The following FIG4 variants were observed in gnomAD, a reference collection of about 807,000 sequenced individuals.
FIG4 encodes the protein FIG4 phosphoinositide 5-phosphatase.
FIG4 carries 112 observed loss-of-function variants against 118.6 expected under a neutral mutation model. That is an observed-to-expected ratio of 0.94 (90% CI 0.81 to 1.11). FIG4 has a LOEUF of 1.11. FIG4 is among the 50% of genes least tolerant of loss of function. The pLI is 0.00. For synonymous variants in FIG4, 369 were observed against 381.2 expected, an observed-to-expected ratio of 0.97 and a Z score of 0.37; for missense variants, 969 against 1,111.7, an observed-to-expected ratio of 0.87 and a Z score of 1.83.
Position 109,743,098 on chromosome 6 carries a change from C to G in FIG4, c.877-12C>G. ...TAACATAAAATATTTTTCAATGCACCTTTCTTTTCAGGGTGATGTTGCAAA... is the reference window on the plus strand; with the variant it reads ...TAACATAAAATATTTTTCAATGCACGTTTCTTTTCAGGGTGATGTTGCAAA... On this transcript the variant is annotated splice_polypyrimidine_tract_variant and intron_variant, in intron 8 of 22. Transcript: ENST00000230124. 1 of 1,608,736 alleles carries G rather than the reference C, an allele frequency of 6.2e-7. No individual in the cohort carries two copies. The highest frequency in any genetic ancestry group is 1.7e-5 in the Admixed American group (1 of 59,840).
intron 18 of FIG4, among the ~76,000 whole-genome samples, chr6:109,787,658 C>T (rs907974879): frequency 3.3e-5 from 5 of 152,162 alleles, no homozygotes; most frequent in Admixed American, 6.5e-5. Context: ...CACTGGAAGT[C>T]ATAGTTTCCA....
intron 22 of FIG4, among the ~76,000 whole-genome samples, chr6:109,820,381 A>G (rs933049691): frequency 5.3e-5 from 8 of 152,208 alleles, no homozygotes; most frequent in African/African-American, 1.9e-4. Context: ...CAGATGAACC[A>G]TGAGATTAAG....
chr6:109,703,833 G>A (rs548638459), intron 1 of FIG4, among the ~76,000 whole-genome samples: 1 of 152,184 alleles, frequency 6.6e-6, no homozygotes, highest in South Asian at 2.1e-4. Context: ...TTGCTTTGAC[G>A]AGTCCACCTC....
At position 109,797,460 on chromosome 6, in the gene FIG4, G is replaced by T. The variant is rs566048263; in HGVS notation, c.2546+609G>T. Among the ~76,000 whole-genome samples, 6 of 152,234 alleles carry T rather than the reference G, an allele frequency of 3.9e-5. No homozygotes were observed. In the East Asian group the frequency reaches 9.7e-4, roughly 24 times the overall value. On this transcript the variant is annotated intron_variant, in intron 22 of 22. Transcript: ENST00000230124. ...GTGCTTAGAGTAGTGTCTAGAATAC[G>T]TTCTGAAATAGTTGTGATCACCATC...
At chr6:109,818,672 G>T (rs1464274498) in intron 22 of FIG4, among the ~76,000 whole-genome samples, 1 of 152,062 alleles carries the variant, frequency 6.6e-6, no homozygotes, top group Non-Finnish European at 1.5e-5. Flanking sequence ...GTCCATTGGG[G>T]GTCTTGGAAC....
chr6:109,817,537 C>G (rs1778893545), intron 22 of FIG4, among the ~76,000 whole-genome samples: 1 of 150,404 alleles, frequency 6.6e-6, no homozygotes, highest in Non-Finnish European at 1.5e-5. Flanking sequence ...ATACAAATAA[C>G]CTTTTTATTT....
intron 1 of FIG4, among the ~76,000 whole-genome samples, chr6:109,702,571 G>T (rs573801409): frequency 8.5e-5 from 13 of 152,274 alleles, no homozygotes; most frequent in Middle Eastern, 3.4e-3. Context: ...TGATTCGTAG[G>T]CACCTACTTG....
At chr6:109,743,400 GA>G in intron 9 of FIG4, 128 bp downstream of exon 9, 1 of 870,112 alleles carries the variant, frequency 1.1e-6, no homozygotes, top group Non-Finnish European at 1.9e-6. Flanking sequence ...AGATAATTTA[GA>G]AGAGGAATTT....
At chr6:109,765,193 A>T (rs771505052) in intron 14 of FIG4, 32 bp downstream of exon 14, 5 of 1,600,706 alleles carry the variant, frequency 3.1e-6, no homozygotes, top group Non-Finnish European at 4.3e-6. Flanking sequence ...TTGAATGCTG[A>T]TAATGGCAGA....
At chr6:109,776,746 ATT>A (rs112541048) in intron 15 of FIG4, among the ~76,000 whole-genome samples, 174 bp from the exon 16 acceptor site, 26 of 152,346 alleles carry the variant, frequency 1.7e-4, no homozygotes, top group African/African-American at 6.3e-4. Flanking sequence ...TTGAAGCAAG[ATT>A]TTAATTCTGC....
intron 10 of FIG4, among the ~76,000 whole-genome samples, chr6:109,754,472 A>G (rs1345949567): frequency 6.6e-6 from 1 of 152,242 alleles, no homozygotes; most frequent in East Asian, 1.9e-4. Flanking sequence ...GTTAGGGAGG[A>G]TTACCTCTTT....
rs1339498922 is a variant in FIG4, at chr6:109,791,521, T to C, written c.2326T>C (p.Ser776Pro). 3.1e-6 allele frequency: 5 copies of C among 1,613,846 alleles called. No individual in the cohort carries two copies. Among genetic ancestry groups the C allele is most frequent in the African/African-American group, 1.3e-5 (1 of 74,912 alleles). ...REEEGSVSQRSTPVKMTDAGD... is the reference protein window; with the variant it reads ...REEEGSVSQRPTPVKMTDAGD... ...AGAAGAGGGCTCTGTGTCTCAGCGC[T>C]CCACTCCCGTGAAGATGACTGATGC... Residue 776 changes from serine to proline, a missense_variant, in exon 20 of 23, where the codon TCC becomes CCC. Transcript: ENST00000230124.
chr6:109,781,958 C>T (rs1488388507), intron 16 of FIG4, among the ~76,000 whole-genome samples: 1 of 151,724 alleles, frequency 6.6e-6, no homozygotes, highest in African/African-American at 2.4e-5. Context: ...ACACTATTGC[C>T]CTGCCCATAT....
chr6:109,738,149 A>C (rs1776214471), intron 6 of FIG4, among the ~76,000 whole-genome samples, 176 bp from the exon 7 acceptor site: 1 of 152,220 alleles, frequency 6.6e-6, no homozygotes, highest in South Asian at 2.1e-4. Flanking sequence ...AATGATATCC[A>C]CTGAAAATGG....
chr6:109,727,547 GCTA>G (rs1272217867), intron 4 of FIG4, among the ~76,000 whole-genome samples: 2 of 152,126 alleles, frequency 1.3e-5, no homozygotes, highest in Non-Finnish European at 2.9e-5. Context: ...ATCAACAATG[GCTA>G]CTATTAGGTG....
intron 22 of FIG4, among the ~76,000 whole-genome samples, chr6:109,808,780 A>C (rs994593541): frequency 6.6e-6 from 1 of 152,218 alleles, no homozygotes; most frequent in Non-Finnish European, 1.5e-5. Context: ...GATAAAGTAG[A>C]TCTTTTGAGT....
At position 109,791,506 on chromosome 6, in the gene FIG4, T is replaced by C. The variant is rs1315238024; in HGVS notation, c.2311T>C (p.Ser771Pro). Reference sequence around the variant, plus strand: ...TGGGACTGATCGGGAAGAAGAGGGCTCTGTGTCTCAGCGCTCCACTCCCGT... The same window carrying C: ...TGGGACTGATCGGGAAGAAGAGGGCCCTGTGTCTCAGCGCTCCACTCCCGT... ...DSGTDREEEG[S>P]VSQRSTPVKM... Residue 771 changes from serine (S) to proline (P), a missense_variant, in exon 20 of 23, where the codon TCT becomes CCT. Ser to Pro is a moderately conservative substitution (Grantham distance 74). Transcript: ENST00000230124. The C allele has an allele frequency of 6.2e-7, 1 of 1,614,054 alleles. No homozygotes were observed. Among genetic ancestry groups the C allele is most frequent in the Non-Finnish European group, 8.5e-7 (1 of 1,180,034 alleles).
chr6:109,757,051 C>T (rs536561621), intron 10 of FIG4, among the ~76,000 whole-genome samples: 22 of 152,264 alleles, frequency 1.4e-4, no homozygotes, highest in Admixed American at 4.6e-4. Context: ...AGCTGTAGAC[C>T]GGAGCTGTTC....
intron 1 of FIG4, among the ~76,000 whole-genome samples, chr6:109,708,047 G>A (rs1334641676): frequency 6.8e-6 from 1 of 148,078 alleles, no homozygotes; most frequent in African/African-American, 2.5e-5. Context: ...TGTTACCTAG[G>A]TAAACCTGTG....
Sources: gnomAD v4.1 joint callset for allele counts (sites outside exome capture counted in the v4.1 genomes callset) on GRCh38, gnomAD v4.1.1 for gene constraint, MANE v1.5 for transcripts, NCBI Gene and HGNC (gene_info 2026-07-23, HGNC 2026-07-21) for gene names.